HERC6: variants seen among roughly 807,000 people sequenced by gnomAD.
HERC6 encodes probable E3 ubiquitin-protein ligase HERC6.
Under a neutral mutation model 114.5 loss-of-function variants are expected in HERC6, and 101 were observed. That is an observed-to-expected ratio of 0.88 (90% confidence interval 0.75 to 1.04). The LOEUF is 1.04. Among genes scored for constraint, HERC6 ranks in the 50% least tolerant of loss-of-function variants. HERC6 has a pLI of 0.00. For synonymous variants in HERC6, 408 were observed against 436.2 expected, an observed-to-expected ratio of 0.94 and a Z score of 0.81; for missense variants, 1,133 against 1,230.9, an observed-to-expected ratio of 0.92 and a Z score of 1.19.
rs149316914 is a variant in HERC6, at chr4:88,384,116, G to A, written c.359+736G>A. The stretch of plus-strand genomic sequence containing the variant: ...TAACTTCCTTGAGTGAGAGTTTCCT[G>A]GGAATTCAGTTGTCATTAAGATAGA... On this transcript the variant is annotated intron_variant, in intron 2 of 22. Coordinates refer to ENST00000264346, the MANE Select transcript of HERC6 (RefSeq NM_017912.4). 7.1e-3 allele frequency among the ~76,000 whole-genome samples: 1,078 copies of A among 152,222 alleles called. 12 individuals are homozygous for A. The highest frequency in any genetic ancestry group is 0.024 in the African/African-American group (984 of 41,540).
chr4:88,413,243 G>C lies in HERC6; in HGVS notation c.1535G>C (p.Ser512Thr). 6.2e-7 allele frequency: 1 copy of C among 1,612,690 alleles called. No individual in the cohort carries two copies. Among genetic ancestry groups the C allele is most frequent in the Non-Finnish European group, 8.5e-7 (1 of 1,179,378 alleles). ...VPFAKAVCEMSKQSLQVLKKC... is the reference protein window; with the variant it reads ...VPFAKAVCEMTKQSLQVLKKC... ...TTTGCAAAGGCTGTGTGTGAAATGA[G>C]TAAACAATCTTTGCAAGTCCTAAGT... The change falls in exon 12 of 23, where the codon AGT becomes ACT. Residue 512 changes from serine (S) to threonine (T), a missense_variant. Around this residue, in one of 3 missense-constraint regions of HERC6, gnomAD observed 735 missense variants for 754.0 expected, o/e 0.97. Transcript: ENST00000264346.
chr4:88,424,324 C>G lies in HERC6; in HGVS notation c.1828-271C>G, dbSNP rs142696133. 2.0e-3 allele frequency among the ~76,000 whole-genome samples: 307 copies of G among 152,032 alleles called. 3 individuals are homozygous for G. The highest frequency in any genetic ancestry group is 0.014 in the Admixed American group (217 of 15,254). On this transcript the variant is annotated intron_variant, in intron 14 of 22. Transcript: ENST00000264346. ...CAACATGGTGAAACGCTGTCTCTAT[C>G]GAAAAAATACAAATACGTGGTAGCA...
intron 1 of HERC6, 40 bp downstream of exon 1, chr4:88,379,160 G>C (rs1734024343): frequency 3.5e-6 from 5 of 1,447,186 alleles, no homozygotes; most frequent in African/African-American, 2.9e-5. Context: ...GAGGACCCCA[G>C]TACATGGGCG....
chr4:88,421,601 C>T (rs949720357), intron 13 of HERC6, among the ~76,000 whole-genome samples: 57 of 152,072 alleles, frequency 3.7e-4, no homozygotes, highest in African/African-American at 1.4e-3. Context: ...GTGTACACCC[C>T]ATGCCTGGCT....
intron 13 of HERC6, 142 bp downstream of exon 13, chr4:88,417,721 T>G: frequency 1.5e-6 from 1 of 655,244 alleles, no homozygotes; most frequent in African/African-American, 1.9e-5. Flanking sequence ...AAGGGAAATG[T>G]TTGGCATAAA....
chr4:88,423,051 G>C (rs1167264563), intron 13 of HERC6, among the ~76,000 whole-genome samples: 1 of 147,012 alleles, frequency 6.8e-6, no homozygotes, highest in Non-Finnish European at 1.5e-5. Flanking sequence ...TTTCATTCTT[G>C]ATACTGGTTT....
chr4:88,428,442 A>G (rs1737848731), intron 15 of HERC6, 138 bp from the exon 16 acceptor site: 1 of 607,148 alleles, frequency 1.6e-6, no homozygotes, highest in Non-Finnish European at 2.7e-6. Context: ...GTTTTCTTAA[A>G]TAATTACAAT....
chr4:88,421,780 C>A (rs1578407750), intron 13 of HERC6, among the ~76,000 whole-genome samples: 1 of 152,136 alleles, frequency 6.6e-6, no homozygotes, highest in African/African-American at 2.4e-5. Context: ...TTGTTATTAT[C>A]TGTCATTTGG....
chr4:88,387,811 G>A (rs769569636), intron 3 of HERC6, among the ~76,000 whole-genome samples: 1 of 152,150 alleles, frequency 6.6e-6, no homozygotes, highest in Non-Finnish European at 1.5e-5. Context: ...AAATAGGAAC[G>A]TCTTTTCCTT....
intron 11 of HERC6, among the ~76,000 whole-genome samples, chr4:88,409,277 C>G (rs1311557852): frequency 6.6e-6 from 1 of 152,116 alleles, no homozygotes; most frequent in African/African-American, 2.4e-5. Context: ...AAACTATAAA[C>G]TAAATTTCTC....
At chr4:88,436,119 C>G (rs1738705486) in intron 18 of HERC6, among the ~76,000 whole-genome samples, 1 of 152,086 alleles carries the variant, frequency 6.6e-6, no homozygotes. Flanking sequence ...GAGTTCTGGC[C>G]TGGTCTCTTG....
At chr4:88,434,447 T>C (rs1437283207) in intron 17 of HERC6, among the ~76,000 whole-genome samples, 1 of 152,178 alleles carries the variant, frequency 6.6e-6, no homozygotes, top group Non-Finnish European at 1.5e-5. Flanking sequence ...CTGAAGTGAT[T>C]GCATTTGAAA....
chr4:88,431,326 T>C (rs1176293330), intron 17 of HERC6, 21 bp downstream of exon 17: 1 of 1,581,364 alleles, frequency 6.3e-7, no homozygotes, highest in Non-Finnish European at 8.5e-7. Context: ...TCTTTTTTTT[T>C]TTTCCCCCAG....
At chr4:88,419,379 A>G (rs893133768) in intron 13 of HERC6, among the ~76,000 whole-genome samples, 2 of 152,220 alleles carry the variant, frequency 1.3e-5, no homozygotes, top group African/African-American at 4.8e-5. Flanking sequence ...GTCCCAATAA[A>G]GAGAAATCAG....
At chr4:88,405,481 C>T (rs770524081) in intron 9 of HERC6, 73 bp from the exon 10 acceptor site, 35 of 705,518 alleles carry the variant, frequency 5.0e-5, no homozygotes, top group Non-Finnish European at 7.3e-5. Flanking sequence ...TTTACTTATT[C>T]AGACATAATA....
intron 20 of HERC6, among the ~76,000 whole-genome samples, chr4:88,439,601 A>G (rs903983679): frequency 2.0e-4 from 30 of 152,166 alleles, no homozygotes; most frequent in African/African-American, 7.2e-4. Flanking sequence ...TTTAAGCAAG[A>G]GAATGACATA....
intron 5 of HERC6, among the ~76,000 whole-genome samples, chr4:88,395,025 C>T (rs1735155011): frequency 6.6e-6 from 1 of 152,200 alleles, no homozygotes; most frequent in South Asian, 2.1e-4. Flanking sequence ...TTCTTGTCCT[C>T]ACCATACAAT....
At chr4:88,432,750 A>C (rs1738360909) in intron 17 of HERC6, among the ~76,000 whole-genome samples, 1 of 152,010 alleles carries the variant, frequency 6.6e-6, no homozygotes, top group African/African-American at 2.4e-5. Flanking sequence ...GTGCTTAAAA[A>C]GGAAAAAAGA....
Position 88,431,435 on chromosome 4 carries a change from T to A in HERC6, c.2250+130T>A, listed in dbSNP as rs894214304. 1.2e-5 allele frequency: 13 copies of A among 1,051,872 alleles called. No individual in the cohort carries two copies. The African/African-American group carries it at 1.9e-4, about 16-fold the overall frequency. 65.2% of individuals were successfully genotyped at this position (1,051,872 alleles called of 1,614,324 possible). A position where few individuals can be genotyped will look rare whatever the true frequency, so the allele number is the denominator to read the frequency against. On this transcript the variant is annotated intron_variant, in intron 17 of 22. Coordinates refer to ENST00000264346, the MANE Select transcript of HERC6 (RefSeq NM_017912.4). ...TTGCTACTCATATTTTGAGTAGTAC[T>A]CGTATGGTTCACAGAGCAGCAGCTA...
Sources: gnomAD v4.1 joint callset for allele counts (sites outside exome capture counted in the v4.1 genomes callset) on GRCh38, gnomAD v4.1.1 for gene constraint, gnomAD v4.1.1 regional missense constraint, MANE v1.5 for transcripts, NCBI Gene and HGNC (gene_info 2026-07-23, HGNC 2026-07-21) for gene names.